B3GALT1: variants seen among roughly 807,000 people sequenced by gnomAD.
B3GALT1 encodes UDP-Gal:betaGlcNAc beta 1,3-galactosyltransferase, polypeptide 1.
Under a neutral mutation model 23.2 loss-of-function variants are expected in B3GALT1, and 10 were observed. That is an observed-to-expected ratio of 0.43 (90% CI 0.27 to 0.73). The LOEUF is 0.73. Ranked by LOEUF, B3GALT1 falls within the 30% of genes least tolerant of loss-of-function variation. The pLI is 0.21. For missense variants in B3GALT1, 299 were observed against 405.4 expected (o/e 0.74, Z 2.25); for synonymous variants, 156 against 141.5 (o/e 1.10, Z -0.73).
At chr2:167,333,966 AC>A (rs1393652896) in intron 1 of B3GALT1, among the ~76,000 whole-genome samples, 1 of 152,054 alleles carries the variant, frequency 6.6e-6, no homozygotes, top group African/African-American at 2.4e-5. Context: ...AGAACTTTGC[AC>A]TTTTTGTGTC....
At chr2:167,723,088 C>G (rs1234858090) in intron 3 of B3GALT1, among the ~76,000 whole-genome samples, 1 of 152,152 alleles carries the variant, frequency 6.6e-6, no homozygotes, top group Non-Finnish European at 1.5e-5. Context: ...TGTCAGCAGT[C>G]ACTATTTTGG....
At chr2:167,606,861 A>G (rs986156620) in intron 2 of B3GALT1, among the ~76,000 whole-genome samples, 1 of 152,190 alleles carries the variant, frequency 6.6e-6, no homozygotes, top group Non-Finnish European at 1.5e-5. Flanking sequence ...GGATTTTGAA[A>G]TAAGAACTTT....
intron 4 of B3GALT1, among the ~76,000 whole-genome samples, chr2:167,837,365 A>G (rs1689504145): frequency 6.7e-6 from 1 of 149,308 alleles, no homozygotes; most frequent in Non-Finnish European, 1.5e-5. Flanking sequence ...AAAAAAAGGC[A>G]GGGGTTGCAA....
chr2:167,725,950 G>C (rs547713581), intron 3 of B3GALT1, among the ~76,000 whole-genome samples: 3 of 152,304 alleles, frequency 2.0e-5, no homozygotes, highest in African/African-American at 7.2e-5. Flanking sequence ...TTATGCCACT[G>C]CTGACCTATA....
chr2:167,456,366 C>T (rs1384467660), intron 1 of B3GALT1, among the ~76,000 whole-genome samples: 1 of 152,178 alleles, frequency 6.6e-6, no homozygotes, highest in Admixed American at 6.5e-5. Context: ...CAACACCTCC[C>T]ACCAGGCCCC....
intron 1 of B3GALT1, among the ~76,000 whole-genome samples, chr2:167,330,999 TG>T (rs770124477): frequency 5.3e-5 from 8 of 152,294 alleles, no homozygotes; most frequent in Non-Finnish European, 1.0e-4. Flanking sequence ...TATGGACGGA[TG>T]TTTTTTTCTG....
At chr2:167,734,813 T>C (rs988022325) in intron 3 of B3GALT1, among the ~76,000 whole-genome samples, 1 of 152,186 alleles carries the variant, frequency 6.6e-6, no homozygotes, top group African/African-American at 2.4e-5. Flanking sequence ...GTTCATCATA[T>C]TTTCTCTGCA....
chr2:167,585,425 C>A (rs945505421), intron 2 of B3GALT1, among the ~76,000 whole-genome samples: 4 of 152,104 alleles, frequency 2.6e-5, no homozygotes, highest in African/African-American at 9.7e-5. Context: ...TCCAAATGGA[C>A]AATAAACATA....
intron 3 of B3GALT1, among the ~76,000 whole-genome samples, chr2:167,689,981 C>T (rs1273467552): frequency 6.6e-6 from 1 of 152,088 alleles, no homozygotes; most frequent in Non-Finnish European, 1.5e-5. Context: ...CGTAAGAAGA[C>T]ATCGAGAAGT....
chr2:167,414,568 A>G (rs958253638), intron 1 of B3GALT1, among the ~76,000 whole-genome samples: 14 of 152,172 alleles, frequency 9.2e-5, no homozygotes, highest in Non-Finnish European at 1.5e-4. Flanking sequence ...CTGTATTTCA[A>G]TGCAGAAAAG....
intron 3 of B3GALT1, among the ~76,000 whole-genome samples, chr2:167,718,603 A>G (rs1687187138): frequency 6.6e-6 from 1 of 152,182 alleles, no homozygotes; most frequent in Admixed American, 6.5e-5. Flanking sequence ...TTTCATACAA[A>G]TGTATTTATT....
intron 2 of B3GALT1, among the ~76,000 whole-genome samples, chr2:167,598,295 ACTATAT>A (rs1684815588): frequency 6.6e-6 from 1 of 152,116 alleles, no homozygotes; most frequent in South Asian, 2.1e-4. Flanking sequence ...ACATACATAC[ACTATAT>A]CTAGTATACA....
chr2:167,319,277 G>C (rs1696766254), intron 1 of B3GALT1, among the ~76,000 whole-genome samples: 1 of 152,060 alleles, frequency 6.6e-6, no homozygotes, highest in African/African-American at 2.4e-5. Flanking sequence ...ACATATAAGG[G>C]AGCTTTTCTA....
At chr2:167,806,313 C>T (rs1195820589) in intron 3 of B3GALT1, among the ~76,000 whole-genome samples, 2 of 152,090 alleles carry the variant, frequency 1.3e-5, no homozygotes, top group African/African-American at 4.8e-5. Context: ...AATTGAATAC[C>T]CTTTATTTCC....
At chr2:167,569,755 G>C (rs1684256261) in intron 2 of B3GALT1, among the ~76,000 whole-genome samples, 1 of 151,898 alleles carries the variant, frequency 6.6e-6, no homozygotes, top group African/African-American at 2.4e-5. Context: ...TAGTAGGAAA[G>C]CTTCAAGTTT....
At chr2:167,472,322 G>A (rs759879458) in intron 1 of B3GALT1, among the ~76,000 whole-genome samples, 74 of 152,128 alleles carry the variant, frequency 4.9e-4, no homozygotes, top group Non-Finnish European at 9.0e-4. Flanking sequence ...GTGGAGGTGG[G>A]GGCTATTAAC....
chr2:167,351,137 C>T (rs1697301835), intron 1 of B3GALT1, among the ~76,000 whole-genome samples: 1 of 151,834 alleles, frequency 6.6e-6, no homozygotes, highest in Non-Finnish European at 1.5e-5. Flanking sequence ...GGCATGGTGG[C>T]GGGTGCCTGT....
In B3GALT1 at chr2:167,376,493, T is replaced by A. The variant is rs75370656; in HGVS notation, c.-511+83159T>A. On this transcript the variant is annotated intron_variant, in intron 1 of 4. Coordinates refer to ENST00000392690, the MANE Select transcript of B3GALT1 (RefSeq NM_020981.4). ...TCCAGGGCTTTCTTGGGTTGGTAGG[T>A]TTTTTATTAGTGATTCAATTTCAAA... is the stretch of plus-strand genomic sequence containing the variant. 2.0e-5 allele frequency among the ~76,000 whole-genome samples: 3 copies of A among 152,188 alleles called. No individual in the cohort carries two copies. In the East Asian group the frequency reaches 5.8e-4, roughly 29 times the overall value.
At chr2:167,787,356 T>C (rs1225297199) in intron 3 of B3GALT1, among the ~76,000 whole-genome samples, 1 of 152,142 alleles carries the variant, frequency 6.6e-6, no homozygotes, top group African/African-American at 2.4e-5. Context: ...AGATAAGTAA[T>C]GCAGCAAACC....
Sources: allele counts gnomAD v4.1 joint callset (sites outside exome capture counted in the v4.1 genomes callset), GRCh38; gene constraint gnomAD v4.1.1; transcripts MANE v1.5; gene names NCBI Gene and HGNC (gene_info 2026-07-23, HGNC 2026-07-21).